DCAF6: variants seen among roughly 807,000 people sequenced by gnomAD.
DCAF6 encodes DDB1 and CUL4 associated factor 6.
In DCAF6, 54 loss-of-function variants were observed where a neutral mutation model predicts 125.1. The ratio of observed to expected loss-of-function variants is 0.43; its 90% CI spans 0.35 to 0.54. The LOEUF (loss-of-function observed/expected upper bound fraction) is 0.54, where lower values mean the gene tolerates loss of function less well. DCAF6 is among the 20% of genes least tolerant of loss of function. The probability of loss-of-function intolerance (pLI) is 0.01; values close to 1 mark genes in which losing one functional copy is unlikely to be tolerated. For missense variants in DCAF6, 934 were observed against 1,161.7 expected (o/e 0.80, Z 2.85); for synonymous variants, 371 against 390.4 (o/e 0.95, Z 0.58).
chr1:168,016,371 A>G (rs1317513715), intron 11 of DCAF6, among the ~76,000 whole-genome samples: 1 of 152,158 alleles, frequency 6.6e-6, no homozygotes, highest in East Asian at 1.9e-4. Flanking sequence ...CCTAAAACCT[A>G]GTAATGCTAG....
the DCAF6 span, chr1:167,918,331 G>A: frequency 6.4e-7 from 1 of 1,567,526 alleles, no homozygotes; most frequent in Non-Finnish European, 8.8e-7. Flanking sequence ...TTTTATTTGT[G>A]TGCTTTAGCT....
At chr1:168,000,717 T>C (rs1682490205) in intron 7 of DCAF6, among the ~76,000 whole-genome samples, 1 of 152,050 alleles carries the variant, frequency 6.6e-6, no homozygotes, top group Non-Finnish European at 1.5e-5. Context: ...CTTGAAAACA[T>C]AATACTAAGT....
At chr1:168,016,061 G>A in intron 11 of DCAF6, 110 bp downstream of exon 11, 2 of 953,026 alleles carry the variant, frequency 2.1e-6, no homozygotes, top group Non-Finnish European at 2.8e-6. Flanking sequence ...TAATGCGCTT[G>A]CAGCTTACCC....
the DCAF6 span, among the ~76,000 whole-genome samples, chr1:167,906,716 G>A: frequency 6.6e-6 from 1 of 152,110 alleles, no homozygotes; most frequent in African/African-American, 2.4e-5. Flanking sequence ...TTGAGCCCAG[G>A]AGGTCAAGGC....
At chr1:167,885,701 C>T in the DCAF6 span, among the ~76,000 whole-genome samples, 3 of 152,074 alleles carry the variant, frequency 2.0e-5, no homozygotes, top group Admixed American at 6.6e-5. Flanking sequence ...CTGCAACCTC[C>T]GCCTCCTGGG....
At chr1:167,937,335 G>C (rs1228477191) in intron 1 of DCAF6, 2 of 337,970 alleles carry the variant, frequency 5.9e-6, no homozygotes, top group Non-Finnish European at 1.2e-5. Flanking sequence ...GCCGCGTTTA[G>C]AGCAAAAGTT....
chr1:167,902,237 G>T, the DCAF6 span, among the ~76,000 whole-genome samples: 1 of 152,208 alleles, frequency 6.6e-6, no homozygotes, highest in African/African-American at 2.4e-5. Flanking sequence ...CTCAAGTGGA[G>T]AATGAGTACG....
At chr1:167,960,284 T>TTTA (rs1675376833) in intron 2 of DCAF6, among the ~76,000 whole-genome samples, 1 of 151,714 alleles carries the variant, frequency 6.6e-6, no homozygotes, top group African/African-American at 2.4e-5. Flanking sequence ...CAGTAAAATT[T>TTTA]TTATTATTAT....
chr1:168,047,555 A>G (rs1277241080), intron 16 of DCAF6, among the ~76,000 whole-genome samples: 1 of 152,112 alleles, frequency 6.6e-6, no homozygotes, highest in African/African-American at 2.4e-5. Flanking sequence ...AAGATATAGT[A>G]GTAAACTTCC....
intron 3 of DCAF6, among the ~76,000 whole-genome samples, chr1:167,974,527 C>T (rs890126936): frequency 6.6e-6 from 1 of 151,956 alleles, no homozygotes; most frequent in African/African-American, 2.4e-5. Flanking sequence ...CAAAGTAGTT[C>T]GTTGTTATTT....
In DCAF6 at chr1:168,044,932, G is replaced by A; in HGVS notation, c.1963G>A (p.Asp655Asn). ...AGATAAGTTCACAGCCAAGCCATTG[G>A]ATTCCAACTCAGGAGAAAGAAATGA... is the stretch of plus-strand genomic sequence containing the variant. ...QSDKFTAKPLDSNSGERNDLN... is the reference protein window; with the variant it reads ...QSDKFTAKPLNSNSGERNDLN... The change falls in exon 16 of 22, where the codon GAT becomes AAT. Residue 655 changes from aspartate to asparagine, a missense_variant. Asp to Asn is a conservative substitution (Grantham distance 23). Coordinates refer to ENST00000367840, the MANE Select transcript of DCAF6 (RefSeq NM_001198956.2). 6.2e-7 allele frequency: 1 copy of A among 1,614,010 alleles called. No homozygotes were observed. Among genetic ancestry groups the A allele is most frequent in the Non-Finnish European group, 8.5e-7 (1 of 1,179,938 alleles).
At position 168,066,396 on chromosome 1, in the gene DCAF6, A is replaced by T. The variant is rs1190555903; in HGVS notation, c.2616A>T (p.Ile872=). The part of the protein sequence containing the change: ...PFDPILASSG[I]DYDIKIWSPL... ...TTCTAGTTTTAGCCTCATCTGGCAT[A>T]GATTATGACATAAAGATCTGGTCAC... Residue 872 remains isoleucine, a synonymous_variant, in exon 20 of 22, where the codon ATA becomes ATT. Transcript: ENST00000367840. 6 of 1,605,348 alleles carry T rather than the reference A, an allele frequency of 3.7e-6. No homozygotes were observed. The highest frequency in any genetic ancestry group is 1.7e-4 in the Middle Eastern group (1 of 5,900).
chr1:167,901,538 A>C, the DCAF6 span: 1 of 1,004,714 alleles, frequency 1.0e-6, no homozygotes, highest in Non-Finnish European at 1.6e-6. Flanking sequence ...CCTGATGCCA[A>C]AGTTCAGGGC....
chr1:168,041,811 AATAT>A (rs891485423), intron 13 of DCAF6, among the ~76,000 whole-genome samples: 2 of 151,348 alleles, frequency 1.3e-5, no homozygotes, highest in Non-Finnish European at 2.9e-5. Flanking sequence ...GGAAAAAATA[AATAT>A]ATATATACCA....
the DCAF6 span, among the ~76,000 whole-genome samples, chr1:167,893,343 T>C: frequency 6.6e-6 from 1 of 152,206 alleles, no homozygotes; most frequent in African/African-American, 2.4e-5. Context: ...TGTTGTCATA[T>C]TATAATTATG....
At chr1:167,880,559 G>T in the DCAF6 span, 1 of 1,614,078 alleles carries the variant, frequency 6.2e-7, no homozygotes, top group Non-Finnish European at 8.5e-7. Context: ...GAGTGAGCTC[G>T]TCAGGTACCT....
intron 17 of DCAF6, among the ~76,000 whole-genome samples, chr1:168,052,086 G>T (rs150184784): frequency 0.011 from 1,706 of 152,206 alleles, 29 homozygotes; most frequent in African/African-American, 0.037. Context: ...TGGTCACCAT[G>T]TTGGCCAGGC....
chr1:168,027,274 A>C (rs983790398), intron 12 of DCAF6, among the ~76,000 whole-genome samples: 2 of 152,066 alleles, frequency 1.3e-5, no homozygotes, highest in African/African-American at 4.8e-5. Context: ...AGCAAAGATA[A>C]TGTCAGGTAT....
chr1:168,049,094 A>G (rs1054311744), intron 16 of DCAF6, among the ~76,000 whole-genome samples: 1 of 152,216 alleles, frequency 6.6e-6, no homozygotes, highest in South Asian at 2.1e-4. Flanking sequence ...GAAAAAAGAC[A>G]GAAAGAAATG....
Sources: gnomAD v4.1 joint callset for allele counts (sites outside exome capture counted in the v4.1 genomes callset) on GRCh38, gnomAD v4.1.1 for gene constraint, MANE v1.5 for transcripts, NCBI Gene and HGNC (gene_info 2026-07-23, HGNC 2026-07-21) for gene names.